The following IQCE variants were observed in gnomAD, a reference collection of about 807,000 sequenced individuals.
IQCE encodes IQ domain-containing protein E.
A neutral mutation model predicts 96.0 loss-of-function variants in IQCE; 115 were observed. That is an observed-to-expected ratio of 1.20 (90% CI 1.03 to 1.40). The LOEUF (loss-of-function observed/expected upper bound fraction) is 1.40, where lower values mean the gene tolerates loss of function less well. IQCE is among the 40% of genes most tolerant of loss of function. The pLI, the probability that IQCE is intolerant of heterozygous loss-of-function variation, is 0.00. For synonymous variants in IQCE, 412 were observed against 371.2 expected (o/e 1.11, Z -1.26); for missense variants, 1,041 against 909.1 (o/e 1.15, Z -1.87).
At chr7:2,577,561 G>A (rs1346614054) in intron 6 of IQCE, among the ~76,000 whole-genome samples, 2 of 140,534 alleles carry the variant, frequency 1.4e-5, no homozygotes, top group African/African-American at 5.5e-5. Flanking sequence ...GGCTGTGCGC[G>A]CGGGGACGTG....
intron 15 of IQCE, among the ~76,000 whole-genome samples, 200 bp downstream of exon 15, chr7:2,593,326 G>A (rs995337524): frequency 5.3e-5 from 8 of 152,272 alleles, no homozygotes; most frequent in African/African-American, 1.7e-4. Context: ...CTCTGGCATC[G>A]TGGCCACCTC....
intron 11 of IQCE, among the ~76,000 whole-genome samples, chr7:2,585,410 T>C (rs1042267241): frequency 7.2e-5 from 11 of 152,226 alleles, no homozygotes; most frequent in South Asian, 2.1e-4. Flanking sequence ...AGACACCCTG[T>C]TTAATAGTGA....
chr7:2,560,818 G>A (rs1025256318), intron 1 of IQCE, among the ~76,000 whole-genome samples: 3 of 150,850 alleles, frequency 2.0e-5, no homozygotes, highest in Non-Finnish European at 3.0e-5. Flanking sequence ...TTAGCCGGGC[G>A]TGGTGGCGGG....
chr7:2,596,216 A>T (rs944674786), intron 16 of IQCE, among the ~76,000 whole-genome samples: 2 of 152,056 alleles, frequency 1.3e-5, no homozygotes, highest in Non-Finnish European at 2.9e-5. Context: ...CCAAGGTAGC[A>T]CTGCTGCACT....
At chr7:2,595,723 G>C (rs1583486237) in intron 16 of IQCE, among the ~76,000 whole-genome samples, 2 of 150,388 alleles carry the variant, frequency 1.3e-5, no homozygotes, top group East Asian at 2.0e-4. Flanking sequence ...GGCCGGCGCT[G>C]CCTGCACTTG....
At position 2,578,228 on chromosome 7, in the gene IQCE, C is replaced by G; in HGVS notation, c.466-14C>G. The G allele has an allele frequency of 6.2e-7, 1 of 1,601,806 alleles. No individual in the cohort carries two copies. The highest frequency in any genetic ancestry group is 8.5e-7 in the Non-Finnish European group (1 of 1,169,728). Reference sequence around the variant, plus strand: ...TTCGTGTGGATGGCTGTGCATGGCCCTTGTTTTCTTCAGTCATTGCACGTG... The same window carrying G: ...TTCGTGTGGATGGCTGTGCATGGCCGTTGTTTTCTTCAGTCATTGCACGTG... On this transcript the variant is annotated splice_polypyrimidine_tract_variant and intron_variant, in intron 6 of 21. Coordinates refer to ENST00000402050, the MANE Select transcript of IQCE (RefSeq NM_152558.5).
At chr7:2,606,278 A>G (rs1045809188) in intron 20 of IQCE, among the ~76,000 whole-genome samples, 2 of 152,168 alleles carry the variant, frequency 1.3e-5, no homozygotes, top group Non-Finnish European at 2.9e-5. Context: ...GGAGCTTCAC[A>G]CACCGTGTAG....
chr7:2,559,953 G>T (rs1368757965), intron 1 of IQCE, among the ~76,000 whole-genome samples: 2 of 152,232 alleles, frequency 1.3e-5, no homozygotes, highest in African/African-American at 4.8e-5. Context: ...GAGGCCAAGA[G>T]TTCCAGACCA....
At chr7:2,590,660 G>C (rs1783517009) in intron 14 of IQCE, among the ~76,000 whole-genome samples, 1 of 152,146 alleles carries the variant, frequency 6.6e-6, no homozygotes, top group African/African-American at 2.4e-5. Flanking sequence ...CAGTTACTCA[G>C]GAGGCCAAGG....
rs761733752 is a variant in IQCE, at chr7:2,593,097, G to A, written c.1320G>A (p.Glu440=). Residue 440 remains glutamate (E), a synonymous_variant, in exon 15 of 22, where the codon GAG becomes GAA. Transcript: ENST00000402050. Reference sequence around the variant, plus strand: ...TGGAGTGCGCGAGGGAGGGCGAGGAGGAGAGGAGAGAGCGAGAGGAGGTTT... The same window carrying A: ...TGGAGTGCGCGAGGGAGGGCGAGGAAGAGAGGAGAGAGCGAGAGGAGGTTT... The part of the protein sequence containing the change: ...KELECAREGE[E]ERREREEVLR... The A allele has an allele frequency of 3.1e-6, 5 of 1,612,546 alleles. No homozygotes were observed. Among genetic ancestry groups the A allele is most frequent in the African/African-American group, 2.7e-5 (2 of 74,938 alleles).
At chr7:2,561,000 C>G (rs988391665) in intron 1 of IQCE, among the ~76,000 whole-genome samples, 2 of 151,982 alleles carry the variant, frequency 1.3e-5, no homozygotes, top group African/African-American at 4.8e-5. Flanking sequence ...CTTTGCCACC[C>G]AGGCTGGAGT....
rs1317822377 is a variant in IQCE, at chr7:2,568,970, CTT to C, written c.103_104del (p.Phe35ProfsTer15). On this transcript the variant is annotated frameshift_variant, in exon 3 of 22. Transcript: ENST00000402050. LOFTEE classifies it high-confidence loss of function. ...TTCTTTCAGAAAGCAAAAAGGAAAG[CTT>C]TCCACAAACCTCCACCCACATCGCC... 1 of 1,613,632 alleles carries C rather than the reference CTT, an allele frequency of 6.2e-7. No homozygotes were observed. The highest frequency in any genetic ancestry group is 1.3e-5 in the African/African-American group (1 of 74,930).
At chr7:2,569,522 C>T (rs976964818) in intron 3 of IQCE, among the ~76,000 whole-genome samples, 15 of 152,130 alleles carry the variant, frequency 9.9e-5, no homozygotes, top group African/African-American at 3.6e-4. Context: ...CAGCATTTGC[C>T]ACCCTGCTTG....
Position 2,571,517 on chromosome 7 carries a change from CT to C in IQCE, c.131-5del. The C allele has an allele frequency of 6.2e-7, 1 of 1,606,066 alleles. No individual in the cohort carries two copies. On this transcript the variant is annotated splice_polypyrimidine_tract_variant and splice_region_variant and intron_variant, in intron 3 of 21. Coordinates refer to ENST00000402050, the MANE Select transcript of IQCE (RefSeq NM_152558.5). Reference sequence around the variant, plus strand: ...CGGCACCTCTGAATCCACGTGTTGGCTTTTCCAGAGTCACCTTATCTCTCTA... The same window carrying C: ...CGGCACCTCTGAATCCACGTGTTGGCTTTCCAGAGTCACCTTATCTCTCTA...
intron 2 of IQCE, 34 bp downstream of exon 2, chr7:2,567,197 G>A (rs371171793): frequency 5.8e-5 from 92 of 1,591,352 alleles, no homozygotes; most frequent in Admixed American, 2.5e-4. Flanking sequence ...GTGCGACCTC[G>A]GGCTGGTTGC....
chr7:2,595,009 GGTGCGGT>G (rs1783913297), intron 16 of IQCE, 33 bp downstream of exon 16: 6 of 1,449,112 alleles, frequency 4.1e-6, no homozygotes, highest in Non-Finnish European at 5.8e-6. Context: ...TCTCCCGTCA[GGTGCGGT>G]GAGACTTTGG....
chr7:2,564,730 G>A (rs554449475), intron 1 of IQCE, among the ~76,000 whole-genome samples: 1 of 152,160 alleles, frequency 6.6e-6, no homozygotes, highest in East Asian at 1.9e-4. Flanking sequence ...CTATGGTCTG[G>A]TTTATGTTTA....
At chr7:2,560,553 C>A (rs1260836422) in intron 1 of IQCE, among the ~76,000 whole-genome samples, 2 of 152,206 alleles carry the variant, frequency 1.3e-5, no homozygotes, top group African/African-American at 2.4e-5. Context: ...GAGGGCCTGC[C>A]TGTCTACACT....
intron 12 of IQCE, 140 bp downstream of exon 12, chr7:2,586,511 T>G (rs1783128525): frequency 1.1e-6 from 1 of 871,860 alleles, no homozygotes; most frequent in Non-Finnish European, 1.7e-6. Flanking sequence ...TTCCCACATG[T>G]GCCAGCACCT....
Sources: allele counts gnomAD v4.1 joint callset (sites outside exome capture counted in the v4.1 genomes callset), GRCh38; gene constraint gnomAD v4.1.1; transcripts MANE v1.5; gene names NCBI Gene and HGNC (gene_info 2026-07-23, HGNC 2026-07-21).